Variants in UBR3 observed in about 807,000 individuals in gnomAD.
The protein encoded by UBR3 is E3 ubiquitin-protein ligase UBR3.
A neutral mutation model predicts 243.2 loss-of-function variants in UBR3; 85 were observed. That is an observed-to-expected ratio of 0.35 (90% CI 0.29 to 0.42). The LOEUF (loss-of-function observed/expected upper bound fraction) is 0.42. Among genes scored for constraint, UBR3 ranks in the 10% least tolerant of loss-of-function variants. UBR3 has a pLI of 1.00. For missense variants in UBR3, 1,686 were observed against 2,300.8 expected, an observed-to-expected ratio of 0.73 and a Z score of 5.47; for synonymous variants, 748 against 799.8, an observed-to-expected ratio of 0.94 and a Z score of 1.09.
intron 31 of UBR3, among the ~76,000 whole-genome samples, chr2:170,040,059 G>A (rs1004282568): frequency 1.3e-5 from 2 of 151,758 alleles, no homozygotes; most frequent in Admixed American, 6.6e-5. Flanking sequence ...TTTAAGTTCT[G>A]CTTTGGTTAT....
At chr2:169,881,899 ATATAGGT>A (rs2105317215) in intron 5 of UBR3, among the ~76,000 whole-genome samples, 1 of 104,194 alleles carries the variant, frequency 9.6e-6, no homozygotes, top group African/African-American at 3.0e-5. Context: ...ACATGTATAC[ATATAGGT>A]ATATGTATAT....
chr2:169,961,250 T>C (rs1017771), intron 24 of UBR3, among the ~76,000 whole-genome samples: 14,800 of 152,122 alleles, frequency 0.097, 883 homozygotes, highest in African/African-American at 0.16. Context: ...ACCTTAGGAT[T>C]TTCCCCTTTT....
intron 25 of UBR3, among the ~76,000 whole-genome samples, chr2:169,992,412 C>T (rs1373560377): frequency 6.6e-6 from 1 of 152,168 alleles, no homozygotes; most frequent in Non-Finnish European, 1.5e-5. Context: ...GGCTAGCATT[C>T]TATGAGGCTA....
At chr2:170,050,363 G>A (rs1244523463) in intron 32 of UBR3, among the ~76,000 whole-genome samples, 1 of 152,098 alleles carries the variant, frequency 6.6e-6, no homozygotes, top group Non-Finnish European at 1.5e-5. Context: ...TGGAAGCAGT[G>A]GAATAGTATT....
rs116823838 is a variant in UBR3, at chr2:169,921,026, G to C, written c.1867-2903G>C. Reference sequence around the variant, plus strand: ...TAGTTAGGTGCAGTGTAGACAGAAAGAAGAAAGTGGATTTAAGAGATACTT... The same window carrying C: ...TAGTTAGGTGCAGTGTAGACAGAAACAAGAAAGTGGATTTAAGAGATACTT... On this transcript the variant is annotated intron_variant, in intron 11 of 38. Coordinates refer to ENST00000272793, the MANE Select transcript of UBR3 (RefSeq NM_172070.4). Among the ~76,000 whole-genome samples, 769 of 152,248 alleles carry C rather than the reference G, an allele frequency of 5.1e-3. 3 individuals carry two copies. The highest frequency in any genetic ancestry group is 9.2e-3 in the Admixed American group (140 of 15,284).
Position 170,083,862 on chromosome 2 carries a change from C to CT in UBR3, c.*2022dup, listed in dbSNP as rs1304541648. Reference sequence around the variant, plus strand: ...ATACATGCATGCTGCTAAACTAGAACTTTAATTTTTCCCCATAACTTTTAT... The same window carrying CT: ...ATACATGCATGCTGCTAAACTAGAACTTTTAATTTTTCCCCATAACTTTTAT... On this transcript the variant is annotated 3_prime_UTR_variant, in exon 39 of 39. Transcript: ENST00000272793. 1 of 152,534 alleles carries CT rather than the reference C, an allele frequency of 6.6e-6. No homozygotes were observed. Among genetic ancestry groups the CT allele is most frequent in the African/African-American group, 2.4e-5 (1 of 41,444 alleles). The allele number at this position is 152,534 out of a possible 1,614,324, so 9.4% of individuals were successfully genotyped here.
Position 169,947,532 on chromosome 2 carries a change from T to G in UBR3, c.2911-10T>G. The G allele has an allele frequency of 6.9e-7, 1 of 1,440,824 alleles. No individual in the cohort carries two copies. The highest frequency in any genetic ancestry group is 9.1e-7 in the Non-Finnish European group (1 of 1,093,150). The allele number at this position is 1,440,824 out of a possible 1,614,324, so 89.3% of individuals were successfully genotyped here. ...GCAAGACTTGATATTCATTTTTTTT[T>G]TTATTTTAGGCATCAGTGGGTGGAC... On this transcript the variant is annotated splice_polypyrimidine_tract_variant and intron_variant, in intron 21 of 38. Coordinates refer to ENST00000272793, the MANE Select transcript of UBR3 (RefSeq NM_172070.4).
chr2:169,902,455 C>G (rs1010301039), intron 8 of UBR3, among the ~76,000 whole-genome samples: 1 of 152,154 alleles, frequency 6.6e-6, no homozygotes, highest in Non-Finnish European at 1.5e-5. Flanking sequence ...ACCATGCATC[C>G]TCTGTATTCT....
At position 169,896,498 on chromosome 2, in the gene UBR3, T is replaced by A; in HGVS notation, c.1237-9T>A. The A allele has an allele frequency of 6.8e-7, 1 of 1,479,486 alleles. No individual in the cohort carries two copies. The highest frequency in any genetic ancestry group is 9.0e-7 in the Non-Finnish European group (1 of 1,106,706). 91.6% of individuals were successfully genotyped at this position (1,479,486 alleles called of 1,614,324 possible). On this transcript the variant is annotated splice_polypyrimidine_tract_variant and intron_variant, in intron 7 of 38. Coordinates refer to ENST00000272793, the MANE Select transcript of UBR3 (RefSeq NM_172070.4). ...ATGTGTTTTTTCCTTTCTATTAAAATGTTTACAGGTTGCTTTTACAAAAAC... is the reference window on the plus strand; with the variant it reads ...ATGTGTTTTTTCCTTTCTATTAAAAAGTTTACAGGTTGCTTTTACAAAAAC...
At chr2:169,858,788 T>C (rs966885215) in intron 1 of UBR3, among the ~76,000 whole-genome samples, 2 of 151,816 alleles carry the variant, frequency 1.3e-5, no homozygotes, top group South Asian at 2.1e-4. Flanking sequence ...TTAGTAGATA[T>C]AGGGTTTCAC....
intron 5 of UBR3, among the ~76,000 whole-genome samples, chr2:169,885,551 G>A (rs940674665): frequency 1.3e-5 from 2 of 151,628 alleles, no homozygotes; most frequent in African/African-American, 2.4e-5. Flanking sequence ...GCACTCCAGC[G>A]TGGGTGACAG....
At chr2:169,947,797 C>CA (rs1341027367) in intron 22 of UBR3, 82 bp downstream of exon 22, 1 of 1,252,220 alleles carries the variant, frequency 8.0e-7, no homozygotes, top group Non-Finnish European at 1.0e-6. Flanking sequence ...CCTATAATAT[C>CA]CAAAAGAAAA....
chr2:169,855,996 G>A (rs1357199688), intron 1 of UBR3, among the ~76,000 whole-genome samples: 2 of 151,686 alleles, frequency 1.3e-5, no homozygotes, highest in East Asian at 1.9e-4. Flanking sequence ...CCTCCCAGAT[G>A]GGGGGGCTGC....
chr2:169,905,980 GA>G (rs1553508533), intron 9 of UBR3, 50 bp from the exon 10 acceptor site: 2 of 1,533,956 alleles, frequency 1.3e-6, no homozygotes, highest in Non-Finnish European at 1.8e-6. Context: ...TATTTAACAT[GA>G]ATGTGTGCTT....
chr2:169,924,211 T>G (rs1280951543), intron 13 of UBR3, 38 bp downstream of exon 13: 1 of 1,431,084 alleles, frequency 7.0e-7, no homozygotes, highest in East Asian at 2.5e-5. Context: ...TGAAGTGGAT[T>G]CCTTGTTTAA....
chr2:170,049,495 G>A (rs547797404), intron 32 of UBR3, among the ~76,000 whole-genome samples: 1 of 152,278 alleles, frequency 6.6e-6, no homozygotes, highest in South Asian at 2.1e-4. Context: ...AGAACTATCC[G>A]CAGTTTCAGA....
chr2:169,841,568 C>T (rs533396617), intron 1 of UBR3, among the ~76,000 whole-genome samples: 229 of 152,320 alleles, frequency 1.5e-3, no homozygotes, highest in East Asian at 3.7e-3. Context: ...CTGCGTGCGG[C>T]GCTTGCGGGC....
chr2:170,015,493 A>G (rs1574400437), intron 30 of UBR3, 127 bp downstream of exon 30: 1 of 600,410 alleles, frequency 1.7e-6, no homozygotes, highest in East Asian at 2.9e-5. Flanking sequence ...ATAGTGATAT[A>G]TACTTTAAAT....
intron 6 of UBR3, among the ~76,000 whole-genome samples, chr2:169,892,488 TTGTC>T (rs1266642184): frequency 6.6e-6 from 1 of 152,238 alleles, no homozygotes; most frequent in Non-Finnish European, 1.5e-5. Flanking sequence ...GTTTTTTTCT[TTGTC>T]TGTTTTTAAA....
Sources: gnomAD v4.1 joint callset for allele counts (sites outside exome capture counted in the v4.1 genomes callset) on GRCh38, gnomAD v4.1.1 for gene constraint, MANE v1.5 for transcripts, NCBI Gene and HGNC (gene_info 2026-07-23, HGNC 2026-07-21) for gene names.